The following ITGB2 variants were observed in gnomAD, a reference collection of about 807,000 sequenced individuals.
The protein encoded by ITGB2 is integrin beta-2.
Under a neutral mutation model 86.8 loss-of-function variants are expected in ITGB2, and 56 were observed. That is an observed-to-expected ratio of 0.65 (90% confidence interval 0.52 to 0.81). The LOEUF (loss-of-function observed/expected upper bound fraction) is 0.81. ITGB2 is among the 30% of genes least tolerant of loss of function. ITGB2 has a pLI of 0.00. For missense variants in ITGB2, 948 were observed against 1,061.2 expected, an observed-to-expected ratio of 0.89 and a Z score of 1.48; for synonymous variants, 457 against 450.4, an observed-to-expected ratio of 1.01 and a Z score of -0.19.
chr21:44,928,515 G>T (rs953942738), intron 1 of ITGB2: 1 of 152,458 alleles, frequency 6.6e-6, no homozygotes, highest in Non-Finnish European at 1.5e-5. Flanking sequence ...ACCAAAACAA[G>T]ATCTGCCACC....
At chr21:44,928,489 G>C (rs1399055126) in intron 1 of ITGB2, 1 of 152,490 alleles carries the variant, frequency 6.6e-6, no homozygotes, top group Non-Finnish European at 1.5e-5. Context: ...GGCAGTGGGA[G>C]ATAATGCCCT....
intron 13 of ITGB2, 146 bp from the exon 14 acceptor site, chr21:44,889,041 G>T: frequency 1.4e-6 from 1 of 707,858 alleles, no homozygotes; most frequent in Non-Finnish European, 2.4e-6. Context: ...TGGGGCAGAT[G>T]CGGGTGCAGC....
intron 8 of ITGB2, among the ~76,000 whole-genome samples, chr21:44,898,638 C>G (rs1387982832): frequency 6.6e-6 from 1 of 152,218 alleles, no homozygotes. Context: ...TGGTTATCAG[C>G]TGTGCTTCCT....
chr21:44,889,026 C>T (rs968752931), intron 13 of ITGB2, 131 bp from the exon 14 acceptor site: 17 of 760,088 alleles, frequency 2.2e-5, no homozygotes, highest in Non-Finnish European at 3.7e-5. Flanking sequence ...AGGAGGGGGC[C>T]CAAGTGGGGC....
chr21:44,886,093 T>A lies in ITGB2; in HGVS notation c.*275A>T. On this transcript the variant is annotated 3_prime_UTR_variant, in exon 16 of 16. Coordinates refer to ENST00000652462, the MANE Select transcript of ITGB2 (RefSeq NM_000211.5). ...GGCACCACCTTTAATCAGACTGATG[T>A]CCTGACTTGCACAGGAAACACGCAC... 1 of 546,690 alleles carries A rather than the reference T, an allele frequency of 1.8e-6. No individual in the cohort carries two copies. Among genetic ancestry groups the A allele is most frequent in the Non-Finnish European group, 3.3e-6 (1 of 303,192 alleles). The allele number at this position is 546,690 out of a possible 1,614,324, so 33.9% of individuals were successfully genotyped here. A position where few individuals can be genotyped will look rare whatever the true frequency, so the allele number is the denominator to read the frequency against.
chr21:44,889,395 C>T lies in ITGB2; in HGVS notation c.1758G>A (p.Arg586=). 1 of 1,612,808 alleles carries T rather than the reference C, an allele frequency of 6.2e-7. No individual in the cohort carries two copies. Among genetic ancestry groups the T allele is most frequent in the Non-Finnish European group, 8.5e-7 (1 of 1,179,824 alleles). ...ERTTEGCLNP[R]RVECSGRGRC... The stretch of plus-strand genomic sequence containing the variant: ...GGCCACGACCACTACACTCAACACG[C>T]CGCGGGTTCAGGCAGCCCTCAGTGG... Residue 586 remains arginine (R), a synonymous_variant, in exon 13 of 16, where the codon CGG becomes CGA. Coordinates refer to ENST00000652462, the MANE Select transcript of ITGB2 (RefSeq NM_000211.5).
chr21:44,898,087 GA>G (rs2083894978), intron 8 of ITGB2, among the ~76,000 whole-genome samples: 1 of 152,212 alleles, frequency 6.6e-6, no homozygotes, highest in African/African-American at 2.4e-5. Flanking sequence ...GGTCACACCG[GA>G]TAGTCCCACA....
intron 1 of ITGB2, among the ~76,000 whole-genome samples, chr21:44,918,115 C>A (rs1452627589): frequency 6.6e-6 from 1 of 152,278 alleles, no homozygotes; most frequent in Admixed American, 6.5e-5. Context: ...GCTAGGCGCC[C>A]ACTGCAGAGC....
At position 44,919,615 on chromosome 21, in the gene ITGB2, C is replaced by T. The variant is rs147354671; in HGVS notation, c.-4+1206G>A. 4.1e-4 allele frequency among the ~76,000 whole-genome samples: 63 copies of T among 152,306 alleles called. No homozygotes were observed. In the East Asian group the frequency reaches 0.012, roughly 28 times the overall value. On this transcript the variant is annotated intron_variant, in intron 1 of 15. Coordinates refer to ENST00000652462, the MANE Select transcript of ITGB2 (RefSeq NM_000211.5). ...TCAGCCCCCAAACCCGCAGGCGTTG[C>T]GCCACCGTCACGGGGAAGGCGAGTG...
chr21:44,907,393 G>A (rs1414675744), intron 3 of ITGB2, among the ~76,000 whole-genome samples: 2 of 152,218 alleles, frequency 1.3e-5, no homozygotes, highest in African/African-American at 2.4e-5. Flanking sequence ...AAGAGGAGAG[G>A]CCTCAGCGTC....
chr21:44,892,046 C>A (rs1226423641), intron 10 of ITGB2, 50 bp from the exon 11 acceptor site: 8 of 1,577,094 alleles, frequency 5.1e-6, no homozygotes, highest in Admixed American at 1.7e-5. Context: ...GCCAGGGTGG[C>A]AGCCCAGCTC....
intron 8 of ITGB2, 103 bp downstream of exon 8, chr21:44,898,964 C>G: frequency 3.1e-6 from 3 of 953,664 alleles, no homozygotes; most frequent in Non-Finnish European, 5.0e-6. Flanking sequence ...GCTCACGTGC[C>G]CAGCATGCAG....
At chr21:44,926,456 GAGGAAATGGCGACCGCAGA>G (rs1254499754) in intron 1 of ITGB2, among the ~76,000 whole-genome samples, 28 of 152,350 alleles carry the variant, frequency 1.8e-4, no homozygotes, top group Admixed American at 3.3e-4. Context: ...TTGCTTTGAT[GAGGAAATGGCGACCGCAGA>G]AGGAAATGTA....
At chr21:44,898,650 C>T (rs1328135644) in intron 8 of ITGB2, among the ~76,000 whole-genome samples, 2 of 152,232 alleles carry the variant, frequency 1.3e-5, no homozygotes, top group African/African-American at 2.4e-5. Context: ...GTGCTTCCTT[C>T]GTGAAATTCA....
chr21:44,893,745 G>A, intron 9 of ITGB2: 1 of 638,866 alleles, frequency 1.6e-6, no homozygotes, highest in Non-Finnish European at 2.8e-6. Flanking sequence ...GAGACAGCCT[G>A]ACCACAGGGA....
Position 44,899,111 on chromosome 21 carries a change from G to A in ITGB2, c.949C>T (p.Gln317Ter), listed in dbSNP as rs760990531. ...LAHKLAENNIQPIFAVTSRMV... is the reference protein window; with the variant it reads ...LAHKLAENNI ...CTACTGGTCACCGCGAAGATGGGCT[G>A]GATGTTGTTTTCAGCCAGCTTGTGC... The change falls in exon 8 of 16, where the codon CAG (glutamine) becomes TAG (stop). Residue 317 changes from glutamine to a stop codon, truncating the protein, a stop_gained. Transcript: ENST00000652462. LOFTEE classifies it high-confidence loss of function. 4 of 1,614,058 alleles carry A rather than the reference G, an allele frequency of 2.5e-6. No homozygotes were observed. Among genetic ancestry groups the A allele is most frequent in the Non-Finnish European group, 3.4e-6 (4 of 1,180,010 alleles).
rs1195388876 is a variant in ITGB2 at position 44,888,768 on chromosome 21, C to T, written c.2005G>A (p.Gly669Ser). The T allele has an allele frequency of 5.0e-6, 8 of 1,612,042 alleles. No individual in the cohort carries two copies. In the East Asian group the frequency reaches 1.3e-4, roughly 27 times the overall value. Residue 669 changes from glycine (G) to serine (S), a missense_variant, in exon 14 of 16, where the codon GGC becomes AGC. Gly to Ser is a moderately conservative substitution (Grantham distance 56, BLOSUM62 0). Coordinates refer to ENST00000652462, the MANE Select transcript of ITGB2 (RefSeq NM_000211.5). ...TCCAGCGTGTAGGCCACCCAGCAGC[C>T]CTCTGAGTCCCTCTCCTTGCAGGTC... ...GRTCKERDSE[G>S]CWVAYTLEQQ... is the part of the protein sequence containing the mutation.
Position 44,889,443 on chromosome 21 carries a change from G to A in ITGB2, c.1710C>T (p.Gly570=), listed in dbSNP as rs766014139. 4 of 1,603,798 alleles carry A rather than the reference G, an allele frequency of 2.5e-6. No individual in the cohort carries two copies. Among genetic ancestry groups the A allele is most frequent in the Non-Finnish European group, 2.6e-6 (3 of 1,175,772 alleles). ...TGGTCCTCTCGCACTGGCACGCTGA[G>A]CCCTCAAAGCCCGGGTGGCAGCGGC... is the stretch of plus-strand genomic sequence containing the variant. ...GKCRCHPGFE[G]SACQCERTTE... Residue 570 remains glycine (G), a synonymous_variant, in exon 13 of 16, where the codon GGC becomes GGT. Transcript: ENST00000652462.
In ITGB2 at chr21:44,886,393, A is replaced by G; in HGVS notation, c.2285T>C (p.Met762Thr). The G allele has an allele frequency of 6.2e-7, 1 of 1,614,132 alleles. No individual in the cohort carries two copies. Residue 762 changes from methionine to threonine, a missense_variant, in exon 16 of 16, where the codon ATG becomes ACG. Coordinates refer to ENST00000652462, the MANE Select transcript of ITGB2 (RefSeq NM_000211.5). ...CTAACTCTCAGCAAACTTGGGGTTC[A>G]TGACCGTCGTGGTGGCGCTCTTGAA... ...PLFKSATTTV[M>T]NPKFAES
Sources: gnomAD v4.1 joint callset for allele counts (sites outside exome capture counted in the v4.1 genomes callset) on GRCh38, gnomAD v4.1.1 for gene constraint, MANE v1.5 for transcripts, NCBI Gene and HGNC (gene_info 2026-07-23, HGNC 2026-07-21) for gene names.